HDAC9: variants seen among roughly 807,000 people sequenced by gnomAD.
The protein encoded by HDAC9 is histone deacetylase 9.
In HDAC9, 41 loss-of-function variants were observed where a neutral mutation model predicts 139.4. That is an observed-to-expected ratio of 0.29 (90% CI 0.23 to 0.38). The LOEUF (loss-of-function observed/expected upper bound fraction) is 0.38, where lower values mean the gene tolerates loss of function less well. Among genes scored for constraint, HDAC9 ranks in the 10% least tolerant of loss-of-function variants. The probability of loss-of-function intolerance (pLI) is 1.00; values close to 1 mark genes in which losing one functional copy is unlikely to be tolerated. For synonymous variants in HDAC9, 517 were observed against 476.2 expected, an observed-to-expected ratio of 1.09 and a Z score of -1.12; for missense variants, 1,147 against 1,297.0, an observed-to-expected ratio of 0.88 and a Z score of 1.78.
chr7:18,200,980 T>C (rs1791075827), intron 2 of HDAC9, among the ~76,000 whole-genome samples: 1 of 152,180 alleles, frequency 6.6e-6, no homozygotes, highest in South Asian at 2.1e-4. Context: ...TATACCATCA[T>C]AGAATGCTGG....
chr7:18,485,014 A>G (rs1795870160), intron 1 of HDAC9, among the ~76,000 whole-genome samples: 1 of 152,186 alleles, frequency 6.6e-6, no homozygotes. Flanking sequence ...TCCCTGCTTC[A>G]TTACAAAAAA....
At chr7:18,434,884 T>G (rs1190327296) in intron 1 of HDAC9, among the ~76,000 whole-genome samples, 1 of 152,090 alleles carries the variant, frequency 6.6e-6, no homozygotes, top group East Asian at 1.9e-4. Context: ...TCAATCTCAT[T>G]ATCGGGTATA....
At chr7:18,657,059 A>G (rs1214030979) in intron 11 of HDAC9, among the ~76,000 whole-genome samples, 1 of 151,964 alleles carries the variant, frequency 6.6e-6, no homozygotes, top group Non-Finnish European at 1.5e-5. Flanking sequence ...ATTTTTTCAT[A>G]TGGTGTTGGC....
intron 2 of HDAC9, among the ~76,000 whole-genome samples, chr7:18,261,416 C>T (rs1049844791): frequency 3.3e-5 from 5 of 152,180 alleles, no homozygotes; most frequent in African/African-American, 1.2e-4. Context: ...CTCTCTCCCA[C>T]TCATTTAAGA....
intron 22 of HDAC9, among the ~76,000 whole-genome samples, chr7:18,876,977 C>T (rs977310282): frequency 1.3e-5 from 2 of 152,104 alleles, no homozygotes; most frequent in Non-Finnish European, 2.9e-5. Flanking sequence ...GCTGGGATTA[C>T]AAGCATGAGC....
At chr7:18,736,419 G>C (rs1251877102) in intron 13 of HDAC9, among the ~76,000 whole-genome samples, 1 of 152,042 alleles carries the variant, frequency 6.6e-6, no homozygotes. Context: ...ATAAATACCT[G>C]ATTTATTGAG....
At chr7:18,672,990 G>GA (rs1171082238) in intron 12 of HDAC9, among the ~76,000 whole-genome samples, 1 of 151,966 alleles carries the variant, frequency 6.6e-6, no homozygotes, top group African/African-American at 2.4e-5. Flanking sequence ...AAATATCACT[G>GA]AAATGTTACA....
intron 25 of HDAC9, among the ~76,000 whole-genome samples, chr7:18,991,110 A>G (rs1056470437): frequency 1.3e-5 from 2 of 152,168 alleles, no homozygotes; most frequent in Middle Eastern, 3.2e-3. Flanking sequence ...TTTGTTCTTG[A>G]TTTAAATTAT....
chr7:18,963,473 C>G (rs893802284), intron 24 of HDAC9, among the ~76,000 whole-genome samples: 4 of 151,938 alleles, frequency 2.6e-5, no homozygotes, highest in African/African-American at 9.7e-5. Context: ...TGAATAAAAT[C>G]CAATGCACAA....
intron 21 of HDAC9, among the ~76,000 whole-genome samples, chr7:18,866,512 T>C (rs1199356157): frequency 6.6e-6 from 1 of 152,156 alleles, no homozygotes; most frequent in African/African-American, 2.4e-5. Flanking sequence ...TGTGTGTGCC[T>C]GGGTTTGTTT....
chr7:18,786,411 G>A (rs1359889146), intron 16 of HDAC9, among the ~76,000 whole-genome samples: 2 of 150,512 alleles, frequency 1.3e-5, no homozygotes, highest in East Asian at 3.9e-4. Context: ...AATGTGAATA[G>A]TACCATGTGC....
At chr7:18,600,473 C>G (rs181595077) in intron 6 of HDAC9, among the ~76,000 whole-genome samples, 42 of 152,196 alleles carry the variant, frequency 2.8e-4, no homozygotes, top group Middle Eastern at 3.4e-3. Context: ...AGATAAGGTC[C>G]TTGTCTAGAT....
At chr7:18,718,080 C>T (rs1784843418) in intron 12 of HDAC9, among the ~76,000 whole-genome samples, 1 of 152,096 alleles carries the variant, frequency 6.6e-6, no homozygotes, top group African/African-American at 2.4e-5. Flanking sequence ...AATGTTAGAA[C>T]ATTTTCATCA....
At chr7:18,481,352 G>T (rs980290914) in intron 1 of HDAC9, among the ~76,000 whole-genome samples, 1 of 152,154 alleles carries the variant, frequency 6.6e-6, no homozygotes, top group Non-Finnish European at 1.5e-5. Flanking sequence ...CGCAATTATT[G>T]TGTTATTGCT....
intron 24 of HDAC9, among the ~76,000 whole-genome samples, chr7:18,963,640 A>G (rs1027679253): frequency 6.6e-6 from 1 of 152,212 alleles, no homozygotes; most frequent in African/African-American, 2.4e-5. Flanking sequence ...AAACCCACTA[A>G]AACAATAACA....
At chr7:18,444,309 T>C (rs1044114853) in intron 1 of HDAC9, among the ~76,000 whole-genome samples, 2 of 120,008 alleles carry the variant, frequency 1.7e-5, no homozygotes, top group Non-Finnish European at 3.2e-5. Context: ...AATGCTGCAC[T>C]ACAGCCTAGG....
At chr7:18,824,268 G>A (rs1214534076) in intron 17 of HDAC9, among the ~76,000 whole-genome samples, 1 of 152,154 alleles carries the variant, frequency 6.6e-6, no homozygotes, top group Non-Finnish European at 1.5e-5. Flanking sequence ...ATCCAGAACT[G>A]TGAGAGAGGC....
chr7:18,416,338 C>G, intron 1 of HDAC9, among the ~76,000 whole-genome samples: 1 of 152,026 alleles, frequency 6.6e-6, no homozygotes, highest in Middle Eastern at 3.4e-3. Flanking sequence ...AATTTTACAT[C>G]TATGTTCATG....
intron 2 of HDAC9, among the ~76,000 whole-genome samples, chr7:18,565,729 T>A (rs1822104963): frequency 6.6e-6 from 1 of 152,116 alleles, no homozygotes; most frequent in African/African-American, 2.4e-5. Flanking sequence ...TAAAAGCAAA[T>A]TGGTGATGTT....
Sources: gnomAD v4.1 joint callset for allele counts (sites outside exome capture counted in the v4.1 genomes callset) on GRCh38, gnomAD v4.1.1 for gene constraint, MANE v1.5 for transcripts, NCBI Gene and HGNC (gene_info 2026-07-23, HGNC 2026-07-21) for gene names.